POLD1: variants seen among roughly 807,000 people sequenced by gnomAD.
POLD1 encodes the protein DNA polymerase delta 1, catalytic subunit.
Under a neutral mutation model 129.7 loss-of-function variants are expected in POLD1, and 79 were observed. The observed-to-expected ratio is 0.61, with a 90% CI of 0.51 to 0.73. POLD1 has a LOEUF of 0.73. Among genes scored for constraint, POLD1 ranks in the 30% least tolerant of loss-of-function variants. POLD1 has a pLI of 0.00. For missense variants in POLD1, 1,338 were observed against 1,595.8 expected (o/e 0.84, Z 2.75); for synonymous variants, 714 against 683.3 (o/e 1.04, Z -0.70).
chr19:50,415,395 C>T (rs1216097670), intron 20 of POLD1, 43 bp from the exon 21 acceptor site: 1 of 1,587,292 alleles, frequency 6.3e-7, no homozygotes, highest in South Asian at 1.1e-5. Context: ...CAGCCTGGCC[C>T]TCAGTGCCTT....
At position 50,415,467 on chromosome 19, in the gene POLD1, A is replaced by G. The variant is rs1568637783; in HGVS notation, c.2594A>G (p.Gln865Arg). 1 of 1,613,076 alleles carries G rather than the reference A, an allele frequency of 6.2e-7. No individual in the cohort carries two copies. The highest frequency in any genetic ancestry group is 8.5e-7 in the Non-Finnish European group (1 of 1,179,910). The change falls in exon 21 of 27, where the codon CAG becomes CGG. Residue 865 changes from glutamine (Q) to arginine (R), a missense_variant. Physicochemically the swap from Gln to Arg is conservative, Grantham distance 43. Transcript: ENST00000440232. The part of the protein sequence containing the change: ...RDPEGAVAHA[Q>R]DVISDLLCNR... ...CCTGAGGGCGCGGTGGCTCACGCAC[A>G]GGACGTCATCTCGGACCTGCTGTGC... is the stretch of plus-strand genomic sequence containing the variant.
At chr19:50,386,481 C>A (rs2037976000) in intron 1 of POLD1, among the ~76,000 whole-genome samples, 1 of 152,194 alleles carries the variant, frequency 6.6e-6, no homozygotes, top group Non-Finnish European at 1.5e-5. Context: ...CAGAGTGATG[C>A]TGGAGACCCC....
chr19:50,399,525 TC>T, intron 3 of POLD1, 41 bp downstream of exon 3: 1 of 1,470,128 alleles, frequency 6.8e-7, no homozygotes, highest in Non-Finnish European at 9.5e-7. Context: ...GGCCCTGCGC[TC>T]CTGGGGCAGA....
At position 50,409,473 on chromosome 19, in the gene POLD1, A is replaced by G. The variant is rs757464730; in HGVS notation, c.2007-46A>G. ...CACTTCCAGAAAGGAGCCCTGACCA[A>G]TGCCCAGGTGCCGCCTGAGTGTGCT... On this transcript the variant is annotated intron_variant, in intron 16 of 26. Transcript: ENST00000440232. This position sits in a 1 kb window ranked among gnomAD's most constrained non-coding sequence, Gnocchi z 5.8. 6.2e-7 allele frequency: 1 copy of G among 1,612,344 alleles called. No homozygotes were observed. Among genetic ancestry groups the G allele is most frequent in the Non-Finnish European group, 8.5e-7 (1 of 1,179,266 alleles).
At chr19:50,408,142 C>G (rs2038965982) in intron 14 of POLD1, among the ~76,000 whole-genome samples, 1 of 151,582 alleles carries the variant, frequency 6.6e-6, no homozygotes, top group African/African-American at 2.4e-5. Flanking sequence ...TGGGACCATC[C>G]TGGCTAACAC....
intron 9 of POLD1, 90 bp from the exon 10 acceptor site, chr19:50,403,403 A>G: frequency 8.3e-7 from 1 of 1,206,830 alleles, no homozygotes; most frequent in Non-Finnish European, 1.2e-6. Context: ...CAGGATTTTC[A>G]GGGGTGGCTG....
chr19:50,417,305 C>T, intron 26 of POLD1, 36 bp downstream of exon 26: 2 of 1,441,898 alleles, frequency 1.4e-6, no homozygotes, highest in Non-Finnish European at 1.9e-6. Flanking sequence ...CTGCCCCGCC[C>T]CTTCCCAGCT....
Position 50,413,603 on chromosome 19 carries a change from G to T in POLD1, c.2250+82G>T, listed in dbSNP as rs895787325. ...AGCCGGGCCGGACCCCCATGTCCCC[G>T]TGCCTCCTGGTCACACCCTGCCCAC... On this transcript the variant is annotated intron_variant, in intron 18 of 26. Transcript: ENST00000440232. 4 of 1,528,050 alleles carry T rather than the reference G, an allele frequency of 2.6e-6. No individual in the cohort carries two copies. In the South Asian group the frequency reaches 3.4e-5, roughly 13 times the overall value. The allele number at this position is 1,528,050 out of a possible 1,614,324, so 94.7% of individuals were successfully genotyped here. A position where few individuals can be genotyped will look rare whatever the true frequency, so the allele number is the denominator to read the frequency against.
intron 3 of POLD1, among the ~76,000 whole-genome samples, chr19:50,401,389 ATATTTTTT>A (rs1237385134): frequency 1.2e-3 from 75 of 60,256 alleles, no homozygotes; most frequent in African/African-American, 5.2e-3. Flanking sequence ...ATATATATAT[ATATTTTTT>A]TTTTTTTTTT....
intron 1 of POLD1, among the ~76,000 whole-genome samples, chr19:50,391,612 A>G (rs1322859633): frequency 6.9e-6 from 1 of 144,836 alleles, no homozygotes; most frequent in African/African-American, 2.5e-5. Flanking sequence ...CAGGAGAATC[A>G]GGCAGGGAGG....
rs781629170 is a variant in POLD1, at chr19:50,413,489, A to C, written c.2218A>C (p.Thr740Pro). Residue 740 changes from threonine (T) to proline (P), a missense_variant, in exon 18 of 27, where the codon ACA becomes CCA. By Grantham distance (38) the Thr-to-Pro change is conservative. Transcript: ENST00000440232. Reference sequence around the variant, plus strand: ...CAAGCAGCTGGTGGAGTCTAAGTACACAGTGGAGAATGGCTACAGCACCAG... The same window carrying C: ...CAAGCAGCTGGTGGAGTCTAAGTACCCAGTGGAGAATGGCTACAGCACCAG... ...KTKQLVESKY[T>P]VENGYSTSAK... 1 of 1,612,436 alleles carries C rather than the reference A, an allele frequency of 6.2e-7. No homozygotes were observed.
At position 50,409,097 on chromosome 19, in the gene POLD1, G is replaced by A. The variant is rs748348814; in HGVS notation, c.1893-25G>A. The A allele has an allele frequency of 3.9e-6, 6 of 1,548,562 alleles. No individual in the cohort carries two copies. The South Asian group carries it at 6.7e-5, about 17-fold the overall frequency. On this transcript the variant is annotated intron_variant, in intron 15 of 26. Transcript: ENST00000440232. The surrounding 1 kb of genome is among the most constrained non-coding windows in gnomAD (Gnocchi z 5.8). Reference sequence around the variant, plus strand: ...GGCTGGAGCAGGAGGGTGGCCGGCAGTCACCCCAACATCTTCCAACCCAGC... The same window carrying A: ...GGCTGGAGCAGGAGGGTGGCCGGCAATCACCCCAACATCTTCCAACCCAGC...
intron 1 of POLD1, among the ~76,000 whole-genome samples, chr19:50,391,749 G>C (rs1003087142): frequency 1.3e-5 from 2 of 151,952 alleles, no homozygotes; most frequent in African/African-American, 4.8e-5. Context: ...CCCCGCTCTT[G>C]TTGCCCGGGC....
intron 22 of POLD1, chr19:50,416,044 C>A: frequency 1.7e-6 from 1 of 580,082 alleles, no homozygotes; most frequent in Middle Eastern, 4.5e-4. Context: ...GCCCCAGTCC[C>A]TCCCCTGTGC....
Position 50,417,239 on chromosome 19 carries a change from G to A in POLD1, c.3188G>A (p.Gly1063Asp), listed in dbSNP as rs1160509272. The A allele has an allele frequency of 6.2e-7, 1 of 1,602,256 alleles. No individual in the cohort carries two copies. The highest frequency in any genetic ancestry group is 8.5e-7 in the Non-Finnish European group (1 of 1,177,032). The change falls in exon 26 of 27, where the codon GGC (glycine) becomes GAC (aspartate). Residue 1063 changes from glycine (G) to aspartate (D), a missense_variant. By Grantham distance (94) the Gly-to-Asp change is moderately conservative. Coordinates refer to ENST00000440232, the MANE Select transcript of POLD1 (RefSeq NM_002691.4). ...RLWTQCQRCQ[G>D]SLHEDVICTS... ...TGGACGCAGTGCCAGCGCTGCCAGG[G>A]CAGCCTGCACGAGGACGTCATCTGC...
At chr19:50,390,392 C>T (rs2038115880) in intron 1 of POLD1, among the ~76,000 whole-genome samples, 1 of 151,976 alleles carries the variant, frequency 6.6e-6, no homozygotes, top group Admixed American at 6.6e-5. Flanking sequence ...CCATTTGTAC[C>T]TGGAAAGCAG....
intron 1 of POLD1, among the ~76,000 whole-genome samples, chr19:50,397,693 A>G (rs35715002): frequency 0.15 from 23,396 of 152,080 alleles, 2,907 homozygotes; most frequent in African/African-American, 0.34. Flanking sequence ...GTGAGCCATC[A>G]CACCCGGCCC....
chr19:50,416,646 G>T lies in POLD1; in HGVS notation c.2990G>T (p.Gly997Val). Residue 997 changes from glycine to valine, a missense_variant, in exon 24 of 27, where the codon GGC becomes GTC. Coordinates refer to ENST00000440232, the MANE Select transcript of POLD1 (RefSeq NM_002691.4). The stretch of plus-strand genomic sequence containing the variant: ...ACGCGCTGCAAGACGGTGCTCACGG[G>T]CAAGGTGGGCGGCCTCCTGGCCTTC... ...DHTRCKTVLT[G>V]KVGGLLAFAK... 1 of 1,565,232 alleles carries T rather than the reference G, an allele frequency of 6.4e-7. No homozygotes were observed.
chr19:50,406,894 G>T lies in POLD1; in HGVS notation c.1495-89G>T, dbSNP rs981118840. 21 of 1,127,876 alleles carry T rather than the reference G, an allele frequency of 1.9e-5. No individual in the cohort carries two copies. Among genetic ancestry groups the T allele is most frequent in the African/African-American group, 3.1e-5 (2 of 64,368 alleles). The allele number at this position is 1,127,876 out of a possible 1,614,324, so 69.9% of individuals were successfully genotyped here. On this transcript the variant is annotated intron_variant, in intron 12 of 26. Transcript: ENST00000440232. The surrounding 1 kb of genome is among the most constrained non-coding windows in gnomAD (Gnocchi z 5.5). ...GCCTCACCTCCCAGGCCCTCCCCAGGCTACCTCACCCTGACCCCCACTTCC... is the reference window on the plus strand; with the variant it reads ...GCCTCACCTCCCAGGCCCTCCCCAGTCTACCTCACCCTGACCCCCACTTCC...
Sources: gnomAD v4.1 joint callset for allele counts (sites outside exome capture counted in the v4.1 genomes callset) on GRCh38, gnomAD v4.1.1 for gene constraint, Gnocchi (gnomAD v3.1) non-coding constraint, MANE v1.5 for transcripts, NCBI Gene and HGNC (gene_info 2026-07-23, HGNC 2026-07-21) for gene names.